The following CERT1 variants were observed in gnomAD, a reference collection of about 807,000 sequenced individuals.
The protein encoded by CERT1 is ceramide transporter 1.
A neutral mutation model predicts 87.9 loss-of-function variants in CERT1; 31 were observed. The ratio of observed to expected loss-of-function variants is 0.35; its 90% confidence interval spans 0.27 to 0.48. The LOEUF (loss-of-function observed/expected upper bound fraction) is 0.48, where lower values mean the gene tolerates loss of function less well. Among genes scored for constraint, CERT1 ranks in the 20% least tolerant of loss-of-function variants. The probability of loss-of-function intolerance (pLI) is 0.99; values close to 1 mark genes in which losing one functional copy is unlikely to be tolerated. For missense variants in CERT1, 487 were observed against 758.0 expected, an observed-to-expected ratio of 0.64 and a Z score of 4.20; for synonymous variants, 289 against 250.9, an observed-to-expected ratio of 1.15 and a Z score of -1.44.
chr5:75,450,121 G>A (rs1294640158), intron 3 of CERT1, among the ~76,000 whole-genome samples: 4 of 152,088 alleles, frequency 2.6e-5, no homozygotes, highest in African/African-American at 9.7e-5. Context: ...CTCTCTTTAA[G>A]ATTTACTTTT....
downstream of CERT1, chr5:75,375,594 TAAATAAA>T (rs1761264974): frequency 1.8e-5 from 2 of 110,206 alleles, no homozygotes; most frequent in Non-Finnish European, 3.9e-5. Flanking sequence ...AATAAATAAA[TAAATAAA>T]TAAATAAATA....
intron 3 of CERT1, among the ~76,000 whole-genome samples, chr5:75,433,159 G>C (rs1763943956): frequency 6.6e-6 from 1 of 152,044 alleles, no homozygotes; most frequent in African/African-American, 2.4e-5. Flanking sequence ...TTTTTGCTGA[G>C]GATTGTTCTA....
chr5:75,400,299 T>TA lies in CERT1; in HGVS notation c.1018-3dup. The TA allele has an allele frequency of 1.3e-6, 2 of 1,596,560 alleles. No homozygotes were observed. The highest frequency in any genetic ancestry group is 8.6e-7 in the Non-Finnish European group (1 of 1,165,118). ...TAATCTCACCTTTTCACTCTGTGAC[T>TA]AAAAAAACATATAATATTAAGATGG... On this transcript the variant is annotated splice_region_variant and splice_polypyrimidine_tract_variant and intron_variant, in intron 9 of 16. Coordinates refer to ENST00000643780, the MANE Select transcript of CERT1 (RefSeq NM_001379029.1).
At chr5:75,425,247 C>A (rs971462378) in intron 5 of CERT1, 114 bp downstream of exon 5, 22 of 990,714 alleles carry the variant, frequency 2.2e-5, no homozygotes, top group Non-Finnish European at 3.2e-5. Flanking sequence ...TGGGGGTTTG[C>A]AGCAAAAAAT....
At chr5:75,485,928 C>T (rs995020917) in intron 2 of CERT1, among the ~76,000 whole-genome samples, 4 of 151,888 alleles carry the variant, frequency 2.6e-5, no homozygotes, top group East Asian at 1.9e-4. Flanking sequence ...TACTGAACAC[C>T]GAAGGAAGAA....
intron 3 of CERT1, among the ~76,000 whole-genome samples, chr5:75,439,518 T>C (rs1421647354): frequency 6.6e-6 from 1 of 152,064 alleles, no homozygotes; most frequent in African/African-American, 2.4e-5. Flanking sequence ...AATGTCACAG[T>C]TCCTCACTCC....
intron 11 of CERT1, among the ~76,000 whole-genome samples, chr5:75,396,171 CAG>C (rs1263184589): frequency 6.6e-6 from 1 of 152,006 alleles, no homozygotes; most frequent in Non-Finnish European, 1.5e-5. Context: ...GTGAAATTAC[CAG>C]AGATTTAGAA....
intron 3 of CERT1, among the ~76,000 whole-genome samples, chr5:75,447,478 T>TTTATTTATTTATTTA (rs1561269833): frequency 2.7e-5 from 3 of 111,332 alleles, no homozygotes; most frequent in Admixed American, 1.6e-4. Context: ...TTATTTATTT[T>TTTATTTATTTATTTA]TTATTTTTTT....
At chr5:75,374,830 T>TG, downstream of CERT1, 1 of 520,050 alleles carries the variant, frequency 1.9e-6, no homozygotes, top group South Asian at 1.5e-5. Context: ...CCTTAAAGAC[T>TG]GAAGATGGAC....
downstream of CERT1, chr5:75,374,193 T>C (rs1273784355): frequency 1.3e-5 from 5 of 377,702 alleles, no homozygotes; most frequent in Non-Finnish European, 2.2e-5. Flanking sequence ...CTTCAGTCAC[T>C]GAAGGAAAAA....
At chr5:75,380,813 A>G (rs1379818631) in intron 16 of CERT1, among the ~76,000 whole-genome samples, 1 of 151,260 alleles carries the variant, frequency 6.6e-6, no homozygotes, top group Non-Finnish European at 1.5e-5. Flanking sequence ...GGGTATATAC[A>G]GTGACCTAGG....
chr5:75,486,630 AT>A (rs1330088464), intron 2 of CERT1, among the ~76,000 whole-genome samples: 1 of 152,126 alleles, frequency 6.6e-6, no homozygotes, highest in African/African-American at 2.4e-5. Flanking sequence ...GAACTGATAC[AT>A]TCAGTAAAGT....
At chr5:75,418,641 A>C (rs943946146) in intron 6 of CERT1, among the ~76,000 whole-genome samples, 4 of 152,234 alleles carry the variant, frequency 2.6e-5, no homozygotes, top group African/African-American at 9.6e-5. Flanking sequence ...ATACAATAAA[A>C]TACTACTGAG....
Position 75,459,322 on chromosome 5 carries a change from T to C in CERT1, c.232-141A>G, listed in dbSNP as rs1043404323. On this transcript the variant is annotated intron_variant, in intron 2 of 16. Coordinates refer to ENST00000643780, the MANE Select transcript of CERT1 (RefSeq NM_001379029.1). ...TTTATTTTTCTGCTCAAATAACTTG[T>C]CTGAAGATAAGAATGTACAAAGGCA... 5.0e-6 allele frequency: 3 copies of C among 600,658 alleles called. No individual in the cohort carries two copies. In the African/African-American group the frequency reaches 5.5e-5, roughly 11 times the overall value. The allele number at this position is 600,658 out of a possible 1,614,324, so 37.2% of individuals were successfully genotyped here.
upstream of CERT1, chr5:75,511,636 C>T (rs899733261): frequency 6.7e-7 from 1 of 1,494,434 alleles, no homozygotes; most frequent in Non-Finnish European, 8.9e-7. Context: ...ATTTACCCTC[C>T]CCTCCCCTGT....
At chr5:75,507,547 G>A (rs530225204) in intron 1 of CERT1, among the ~76,000 whole-genome samples, 4 of 152,128 alleles carry the variant, frequency 2.6e-5, no homozygotes, top group South Asian at 2.1e-4. Flanking sequence ...ACTTAGACAC[G>A]GGCTTGAAAT....
At chr5:75,484,295 C>T (rs560167933) in intron 2 of CERT1, among the ~76,000 whole-genome samples, 8 of 144,026 alleles carry the variant, frequency 5.6e-5, no homozygotes, top group South Asian at 2.2e-4. Context: ...CACCGGCACA[C>T]GAACATAAAA....
chr5:75,380,100 T>C (rs1761501489), intron 16 of CERT1, among the ~76,000 whole-genome samples: 1 of 152,228 alleles, frequency 6.6e-6, no homozygotes, highest in Non-Finnish European at 1.5e-5. Context: ...CAGGTACAAC[T>C]GTTTCTTTGA....
At chr5:75,459,358 A>G (rs1250688391) in intron 2 of CERT1, among the ~76,000 whole-genome samples, 177 bp from the exon 3 acceptor site, 1 of 152,222 alleles carries the variant, frequency 6.6e-6, no homozygotes, top group Non-Finnish European at 1.5e-5. Flanking sequence ...CAGTTACCAA[A>G]AGCCAAATTT....
Sources: allele counts gnomAD v4.1 joint callset (sites outside exome capture counted in the v4.1 genomes callset), GRCh38; gene constraint gnomAD v4.1.1; transcripts MANE v1.5; gene names NCBI Gene and HGNC (gene_info 2026-07-23, HGNC 2026-07-21).